SPIDR: variants seen among roughly 807,000 people sequenced by gnomAD.
SPIDR encodes scaffold protein involved in DNA repair, also known as DNA repair-scaffolding protein.
A neutral mutation model predicts 104.6 loss-of-function variants in SPIDR; 93 were observed. The observed-to-expected ratio is 0.89, with a 90% CI of 0.75 to 1.06. SPIDR has a LOEUF of 1.06. SPIDR is among the 50% of genes least tolerant of loss of function. The pLI, the probability that SPIDR is intolerant of heterozygous loss-of-function variation, is 0.00. For missense variants in SPIDR, 1,154 were observed against 1,111.2 expected (o/e 1.04, Z -0.55); for synonymous variants, 431 against 416.9 (o/e 1.03, Z -0.41).
intron 8 of SPIDR, among the ~76,000 whole-genome samples, chr8:47,473,585 T>C (rs1480813858): frequency 6.6e-6 from 1 of 152,214 alleles, no homozygotes; most frequent in Non-Finnish European, 1.5e-5. Context: ...GGTCCCTCTA[T>C]TGTGCATGAC....
Position 47,712,638 on chromosome 8 carries a change from C to T in SPIDR, c.1978-24C>T, listed in dbSNP as rs759199209. The T allele has an allele frequency of 3.7e-6, 6 of 1,603,230 alleles. No individual in the cohort carries two copies. The African/African-American group carries it at 6.7e-5, about 18-fold the overall frequency. ...AACATTTTTTGGTATAATAATTAAT[C>T]TTTATTGTGTCTTCAAATTGTAGCT... On this transcript the variant is annotated intron_variant, in intron 14 of 19. Transcript: ENST00000297423.
At chr8:47,360,718 A>C (rs2055691347) in intron 5 of SPIDR, 1 of 395,896 alleles carries the variant, frequency 2.5e-6, no homozygotes, top group Non-Finnish European at 3.4e-6. Context: ...CACTTTCTAC[A>C]TGTTGGCAGC....
chr8:47,483,218 T>C (rs543251421), intron 8 of SPIDR, among the ~76,000 whole-genome samples: 2 of 152,360 alleles, frequency 1.3e-5, no homozygotes, highest in South Asian at 2.1e-4. Flanking sequence ...TTTAAAACTT[T>C]CTTTTATTCT....
In SPIDR at chr8:47,501,994, C is replaced by G. The variant is rs550742790; in HGVS notation, c.1097+61452C>G. On this transcript the variant is annotated intron_variant, in intron 8 of 19. Coordinates refer to ENST00000297423, the MANE Select transcript of SPIDR (RefSeq NM_001080394.4). ...CAGCCTTGCATCCCAGGGATGAAGC[C>G]CACTTGATCATGGTCGATAAGTTTT... 2.6e-5 allele frequency among the ~76,000 whole-genome samples: 4 copies of G among 152,204 alleles called. No homozygotes were observed. The East Asian group carries it at 5.8e-4, about 22-fold the overall frequency.
At position 47,477,197 on chromosome 8, in the gene SPIDR, C is replaced by T. The variant is rs565068954; in HGVS notation, c.1097+36655C>T. On this transcript the variant is annotated intron_variant, in intron 8 of 19. Coordinates refer to ENST00000297423, the MANE Select transcript of SPIDR (RefSeq NM_001080394.4). Reference sequence around the variant, plus strand: ...TACCAGAGTCTGTATATAGAAGATGCGCAATATATTTTTTTTTTTTGAGAC... The same window carrying T: ...TACCAGAGTCTGTATATAGAAGATGTGCAATATATTTTTTTTTTTTGAGAC... 4.0e-5 allele frequency among the ~76,000 whole-genome samples: 6 copies of T among 150,490 alleles called. 1 individual carries two copies. The South Asian group carries it at 1.0e-3, about 26-fold the overall frequency.
intron 11 of SPIDR, among the ~76,000 whole-genome samples, chr8:47,690,266 A>T (rs977146959): frequency 6.8e-6 from 1 of 147,890 alleles, no homozygotes; most frequent in African/African-American, 2.5e-5. Context: ...AAGTTGAGAG[A>T]GTGTGTGGGG....
chr8:47,375,898 C>T (rs2058614954), intron 5 of SPIDR, among the ~76,000 whole-genome samples: 1 of 152,176 alleles, frequency 6.6e-6, no homozygotes, highest in African/African-American at 2.4e-5. Context: ...TTAAGTTTGA[C>T]TTAATTCAAA....
At chr8:47,667,410 A>G (rs577921437) in intron 10 of SPIDR, among the ~76,000 whole-genome samples, 1 of 149,170 alleles carries the variant, frequency 6.7e-6, no homozygotes, top group South Asian at 2.2e-4. Flanking sequence ...CAGCCCAGGC[A>G]GCATAGCAAG....
At chr8:47,653,270 C>A (rs2072031301) in intron 10 of SPIDR, among the ~76,000 whole-genome samples, 1 of 152,146 alleles carries the variant, frequency 6.6e-6, no homozygotes, top group Non-Finnish European at 1.5e-5. Flanking sequence ...AACTTGCATC[C>A]CCAGGCCTGT....
intron 10 of SPIDR, among the ~76,000 whole-genome samples, chr8:47,599,780 C>T (rs1449074647): frequency 4.6e-5 from 7 of 152,152 alleles, no homozygotes; most frequent in African/African-American, 7.2e-5. Context: ...TAGCTGTAGA[C>T]GCATGATTGA....
At chr8:47,274,278 A>G (rs1367836016) in intron 1 of SPIDR, among the ~76,000 whole-genome samples, 1 of 152,182 alleles carries the variant, frequency 6.6e-6, no homozygotes, top group African/African-American at 2.4e-5. Flanking sequence ...TGATTTATTT[A>G]TAAAGTTCAT....
intron 2 of SPIDR, among the ~76,000 whole-genome samples, chr8:47,282,894 C>G (rs1554559835): frequency 6.6e-6 from 1 of 151,100 alleles, no homozygotes; most frequent in Non-Finnish European, 1.5e-5. Flanking sequence ...CTGTCTCTGT[C>G]GCTCGGGGTG....
Position 47,538,923 on chromosome 8 carries a change from C to T in SPIDR, c.1098-56888C>T, listed in dbSNP as rs544174607. Among the ~76,000 whole-genome samples, 338 of 144,644 alleles carry T rather than the reference C, an allele frequency of 2.3e-3. 1 individual carries two copies. The highest frequency in any genetic ancestry group is 8.4e-3 in the African/African-American group (326 of 39,020). 94.9% of individuals were successfully genotyped at this position (144,644 alleles called of 152,430 possible). On this transcript the variant is annotated intron_variant, in intron 8 of 19. Transcript: ENST00000297423. ...TCACCCAGGCTGGAGTTCAGTGGCACGATCTCGGCTCACTGCAACCTCCGC... is the reference window on the plus strand; with the variant it reads ...TCACCCAGGCTGGAGTTCAGTGGCATGATCTCGGCTCACTGCAACCTCCGC...
At chr8:47,479,967 A>G (rs2076710350) in intron 8 of SPIDR, among the ~76,000 whole-genome samples, 2 of 152,218 alleles carry the variant, frequency 1.3e-5, no homozygotes, top group African/African-American at 4.8e-5. Flanking sequence ...AATGAATCAC[A>G]GTAAAAAGAT....
intron 5 of SPIDR, among the ~76,000 whole-genome samples, chr8:47,296,052 A>T (rs2040784673): frequency 6.6e-6 from 1 of 152,092 alleles, no homozygotes; most frequent in African/African-American, 2.4e-5. Flanking sequence ...TGAGCATTTT[A>T]ATATATATCT....
chr8:47,683,234 C>A (rs1244269666), intron 11 of SPIDR, among the ~76,000 whole-genome samples: 2 of 152,244 alleles, frequency 1.3e-5, no homozygotes, highest in Non-Finnish European at 2.9e-5. Flanking sequence ...AAAAGTTCTG[C>A]TTTGACTACA....
intron 5 of SPIDR, among the ~76,000 whole-genome samples, chr8:47,336,209 C>G (rs1209124078): frequency 6.6e-6 from 1 of 152,138 alleles, no homozygotes; most frequent in Non-Finnish European, 1.5e-5. Context: ...TTTTAAAAAT[C>G]TGTTCACCAC....
At chr8:47,693,658 G>A (rs1173721556) in intron 11 of SPIDR, among the ~76,000 whole-genome samples, 7 of 152,130 alleles carry the variant, frequency 4.6e-5, no homozygotes, top group Admixed American at 1.3e-4. Context: ...ATTCTCGTGA[G>A]GACACAAAAC....
At chr8:47,297,285 T>G (rs1031572256) in intron 5 of SPIDR, among the ~76,000 whole-genome samples, 1 of 152,178 alleles carries the variant, frequency 6.6e-6, no homozygotes, top group Non-Finnish European at 1.5e-5. Context: ...TTATCTTGTT[T>G]TTGATCATAG....
Sources: gnomAD v4.1 joint callset for allele counts (sites outside exome capture counted in the v4.1 genomes callset) on GRCh38, gnomAD v4.1.1 for gene constraint, MANE v1.5 for transcripts, NCBI Gene and HGNC (gene_info 2026-07-23, HGNC 2026-07-21) for gene names.